The following DCAF8L2 variants were observed in gnomAD, a reference collection of about 807,000 sequenced individuals.
The protein encoded by DCAF8L2 is DDB1- and CUL4-associated factor 8-like protein 2.
For synonymous variants in DCAF8L2, 200 were observed against 190.9 expected, an observed-to-expected ratio of 1.05 and a Z score of -0.39; for missense variants, 430 against 490.7, an observed-to-expected ratio of 0.88 and a Z score of 1.17.
chrX:27,664,321 G>T (rs930072984), intron 2 of DCAF8L2, among the ~76,000 whole-genome samples: 2 of 111,673 alleles, frequency 1.8e-5, no homozygotes, highest in South Asian at 7.5e-4. Flanking sequence ...CAAACCAGCC[G>T]CAACATTCCT....
chrX:27,548,032 C>G, the DCAF8L2 span, among the ~76,000 whole-genome samples: 1 of 109,695 alleles, frequency 9.1e-6, no homozygotes, highest in African/African-American at 3.3e-5. Flanking sequence ...AATTAAACCA[C>G]TTTTCTTTAT....
At chrX:27,628,093 C>T (rs1349068822) in intron 1 of DCAF8L2, among the ~76,000 whole-genome samples, 1 of 111,006 alleles carries the variant, frequency 9.0e-6, no homozygotes, top group East Asian at 2.8e-4. Context: ...CTCTCAATTT[C>T]CCCCACTTTC....
chrX:27,586,943 A>G (rs1488233373), upstream of DCAF8L2, among the ~76,000 whole-genome samples: 1 of 111,081 alleles, frequency 9.0e-6, no homozygotes, highest in African/African-American at 3.3e-5. Flanking sequence ...TGGAAATATC[A>G]TTTGATTTCC....
chrX:27,700,857 A>C (rs1036030097), intron 3 of DCAF8L2, among the ~76,000 whole-genome samples: 2 of 111,580 alleles, frequency 1.8e-5, no homozygotes, highest in Admixed American at 9.5e-5. Flanking sequence ...GTCAATATAA[A>C]GCCACCCTAA....
At chrX:27,567,546 C>CAT in the DCAF8L2 span, among the ~76,000 whole-genome samples, 9,784 of 29,450 alleles carry the variant, frequency 0.33, 1,975 homozygotes, top group East Asian at 0.4. Flanking sequence ...ACCACTGTAG[C>CAT]ATATATATAT....
chrX:27,602,339 T>C (rs1926689201), intron 1 of DCAF8L2, among the ~76,000 whole-genome samples: 1 of 111,959 alleles, frequency 8.9e-6, no homozygotes, highest in African/African-American at 3.2e-5. Context: ...CTGGCTGAAC[T>C]TTTGTTTTTA....
chrX:27,736,570 GAAATTGTTC>G (rs966331169), intron 4 of DCAF8L2, among the ~76,000 whole-genome samples: 1 of 112,132 alleles, frequency 8.9e-6, no homozygotes, highest in Non-Finnish European at 1.9e-5. Context: ...TAGAATGTGA[GAAATTGTTC>G]AAATTTAATT....
At chrX:27,619,467 A>G (rs1180377877) in intron 1 of DCAF8L2, among the ~76,000 whole-genome samples, 1 of 111,475 alleles carries the variant, frequency 9.0e-6, no homozygotes, top group Non-Finnish European at 1.9e-5. Context: ...GGGTTTCCCA[A>G]TTGTGGGAAC....
At chrX:27,546,890 C>A in the DCAF8L2 span, among the ~76,000 whole-genome samples, 1 of 112,395 alleles carries the variant, frequency 8.9e-6, no homozygotes, top group Non-Finnish European at 1.9e-5. Flanking sequence ...ATATCTCTGA[C>A]ATTCCCTGGA....
At chrX:27,617,393 A>G (rs945489898) in intron 1 of DCAF8L2, among the ~76,000 whole-genome samples, 4 of 110,275 alleles carry the variant, frequency 3.6e-5, no homozygotes, top group Non-Finnish European at 7.6e-5. Context: ...TTTTCTCCCA[A>G]TAGATCCTGT....
At chrX:27,518,268 T>A in the DCAF8L2 span, 1 of 908,709 alleles carries the variant, frequency 1.1e-6, no homozygotes, top group African/African-American at 1.9e-5. Context: ...TGGCTAATGA[T>A]AGAATCCTAC....
intron 2 of DCAF8L2, among the ~76,000 whole-genome samples, chrX:27,677,634 A>G (rs1347492135): frequency 8.9e-6 from 1 of 111,748 alleles, no homozygotes; most frequent in Non-Finnish European, 1.9e-5. Flanking sequence ...AAGCTTAGGA[A>G]AAGTAGGAAA....
chrX:27,598,768 A>G (rs1040197639), intron 1 of DCAF8L2, among the ~76,000 whole-genome samples: 1 of 110,178 alleles, frequency 9.1e-6, no homozygotes, highest in African/African-American at 3.3e-5. Flanking sequence ...TCTGCTCGGT[A>G]TCTCCCATCT....
At chrX:27,490,589 G>C in the DCAF8L2 span, among the ~76,000 whole-genome samples, 1 of 110,332 alleles carries the variant, frequency 9.1e-6, no homozygotes, top group Non-Finnish European at 1.9e-5. Flanking sequence ...AGCCTCCCGA[G>C]TAGCTGGGAC....
At chrX:27,730,945 T>C (rs1363171132) in intron 4 of DCAF8L2, among the ~76,000 whole-genome samples, 1 of 111,407 alleles carries the variant, frequency 9.0e-6, no homozygotes, top group Non-Finnish European at 1.9e-5. Context: ...AGGCCTTTAA[T>C]ATCACTGTTC....
intron 1 of DCAF8L2, among the ~76,000 whole-genome samples, chrX:27,613,497 G>T (rs1211216926): frequency 1.8e-5 from 2 of 111,197 alleles, no homozygotes; most frequent in Non-Finnish European, 3.8e-5. Flanking sequence ...TGTTGAATAG[G>T]AGTGGTGAGA....
rs5926475 is a variant in DCAF8L2 at position 27,689,559 on chromosome X, C to T, written c.-143+11647C>T. Among the ~76,000 whole-genome samples, 783 of 112,745 alleles carry T rather than the reference C, an allele frequency of 6.9e-3. 6 individuals carry two copies. Among genetic ancestry groups the T allele is most frequent in the Non-Finnish European group, 0.011 (579 of 53,310 alleles). On this transcript the variant is annotated intron_variant, in intron 3 of 4. Transcript: ENST00000451261. ...CGCACCCAGCCCACCATAAGATATA[C>T]GTACAAGAATACATTGCCACATTAT...
At chrX:27,647,863 A>G (rs1929001530) in intron 2 of DCAF8L2, among the ~76,000 whole-genome samples, 1 of 111,887 alleles carries the variant, frequency 8.9e-6, no homozygotes, top group Non-Finnish European at 1.9e-5. Context: ...AAAGTTAACA[A>G]TGAGATCTCA....
At chrX:27,548,305 G>C in the DCAF8L2 span, among the ~76,000 whole-genome samples, 4 of 111,041 alleles carry the variant, frequency 3.6e-5, no homozygotes, top group African/African-American at 9.8e-5. Context: ...AGTTTTTTGA[G>C]GAGCTAAAAC....
Sources: gnomAD v4.1 joint callset for allele counts (sites outside exome capture counted in the v4.1 genomes callset) on GRCh38, gnomAD v4.1.1 for gene constraint, MANE v1.5 for transcripts, NCBI Gene and HGNC (gene_info 2026-07-23, HGNC 2026-07-21) for gene names.